The following MCPH1 variants were observed in gnomAD, a reference collection of about 807,000 sequenced individuals.
MCPH1 encodes the protein microcephalin.
In MCPH1, 104 loss-of-function variants were observed where a neutral mutation model predicts 84.5. That is an observed-to-expected ratio of 1.23 (90% CI 1.05 to 1.45). The LOEUF (loss-of-function observed/expected upper bound fraction) is 1.45, where lower values mean the gene tolerates loss of function less well. Among genes scored for constraint, MCPH1 ranks in the 40% most tolerant of loss-of-function variants. The pLI is 0.00. For synonymous variants in MCPH1, 514 were observed against 366.8 expected (o/e 1.40, Z -4.58); for missense variants, 1,498 against 1,005.7 (o/e 1.49, Z -6.62).
In MCPH1 at chr8:6,436,488, A is replaced by G. The variant is rs77104350; in HGVS notation, c.436+326A>G. Reference sequence around the variant, plus strand: ...AAATACCTATTTATTTCTTCTTTATATATAACTTTGTATTTTTACCTAATT... The same window carrying G: ...AAATACCTATTTATTTCTTCTTTATGTATAACTTTGTATTTTTACCTAATT... On this transcript the variant is annotated intron_variant, in intron 5 of 13. Transcript: ENST00000344683. 0.067 allele frequency among the ~76,000 whole-genome samples: 10,257 copies of G among 152,178 alleles called. 859 individuals carry two copies. Among genetic ancestry groups the G allele is most frequent in the African/African-American group, 0.2 (8,165 of 41,466 alleles).
At chr8:6,634,632 C>T (rs1442511845) in intron 13 of MCPH1, among the ~76,000 whole-genome samples, 1 of 152,186 alleles carries the variant, frequency 6.6e-6, no homozygotes, top group African/African-American at 2.4e-5. Flanking sequence ...CATAGATCAC[C>T]AGGGACATCT....
intron 12 of MCPH1, among the ~76,000 whole-genome samples, chr8:6,550,861 C>A (rs945171528): frequency 6.6e-6 from 1 of 152,166 alleles, no homozygotes; most frequent in African/African-American, 2.4e-5. Context: ...CCAGCTGCCA[C>A]CACAGTGATG....
At chr8:6,477,809 T>A (rs951191770) in intron 10 of MCPH1, among the ~76,000 whole-genome samples, 178 bp downstream of exon 10, 1 of 152,260 alleles carries the variant, frequency 6.6e-6, no homozygotes, top group Non-Finnish European at 1.5e-5. Flanking sequence ...TGTGAGCGAC[T>A]TAGCCTTGAA....
At chr8:6,536,704 T>C (rs1820565339) in intron 12 of MCPH1, among the ~76,000 whole-genome samples, 1 of 152,208 alleles carries the variant, frequency 6.6e-6, no homozygotes, top group Non-Finnish European at 1.5e-5. Context: ...CCATTTAATG[T>C]AGCCTTTCCA....
intron 12 of MCPH1, among the ~76,000 whole-genome samples, chr8:6,585,341 C>G (rs1239756387): frequency 6.6e-6 from 1 of 152,326 alleles, no homozygotes; most frequent in East Asian, 1.9e-4. Flanking sequence ...GAATGAGACA[C>G]TTTGGGTGGA....
chr8:6,407,814 A>C (rs1797960524), intron 1 of MCPH1, among the ~76,000 whole-genome samples: 1 of 152,208 alleles, frequency 6.6e-6, no homozygotes, highest in Admixed American at 6.5e-5. Context: ...CCCAGGCCAT[A>C]TCTAGCCTGC....
At chr8:6,623,894 T>C (rs987818428) in intron 13 of MCPH1, among the ~76,000 whole-genome samples, 1 of 152,174 alleles carries the variant, frequency 6.6e-6, no homozygotes, top group Non-Finnish European at 1.5e-5. Context: ...CCTGAAAGCA[T>C]GTCTGGGCCA....
intron 12 of MCPH1, among the ~76,000 whole-genome samples, chr8:6,619,732 C>G (rs1223568143): frequency 2.6e-5 from 4 of 152,100 alleles, no homozygotes; most frequent in African/African-American, 9.7e-5. Context: ...CTACAGGTGC[C>G]CACCACCACG....
At chr8:6,521,951 T>C (rs1817421823) in intron 12 of MCPH1, among the ~76,000 whole-genome samples, 1 of 152,232 alleles carries the variant, frequency 6.6e-6, no homozygotes, top group Non-Finnish European at 1.5e-5. Context: ...TTACCAGCCC[T>C]GCGACTTGGA....
chr8:6,533,569 CTTTTTTTTTT>C (rs56882906), intron 12 of MCPH1, among the ~76,000 whole-genome samples: 22 of 113,346 alleles, frequency 1.9e-4, no homozygotes, highest in East Asian at 8.2e-4. Context: ...CGTTTAGTTT[CTTTTTTTTTT>C]TTTTTTTTTT....
In MCPH1 at chr8:6,504,771, T is replaced by G. The variant is rs187105872; in HGVS notation, c.2214+4842T>G. 2.0e-5 allele frequency among the ~76,000 whole-genome samples: 3 copies of G among 152,302 alleles called. No individual in the cohort carries two copies. In the East Asian group the frequency reaches 5.8e-4, roughly 29 times the overall value. On this transcript the variant is annotated intron_variant, in intron 12 of 13. Coordinates refer to ENST00000344683, the MANE Select transcript of MCPH1 (RefSeq NM_024596.5). ...GTATATTATTCAGTTTTATTATTGT[T>G]AAGTCTCTTGTGACTAGTTTACAAA...
At chr8:6,488,968 G>A (rs1293466293) in intron 11 of MCPH1, among the ~76,000 whole-genome samples, 1 of 152,202 alleles carries the variant, frequency 6.6e-6, no homozygotes, top group East Asian at 1.9e-4. Flanking sequence ...TCAGGTGTGT[G>A]GGAATGGAGA....
At chr8:6,567,842 C>T (rs1361185550) in intron 12 of MCPH1, among the ~76,000 whole-genome samples, 2 of 152,182 alleles carry the variant, frequency 1.3e-5, no homozygotes, top group Non-Finnish European at 2.9e-5. Context: ...GACGGGACCA[C>T]AAGAGGCAAG....
intron 11 of MCPH1, among the ~76,000 whole-genome samples, chr8:6,492,463 A>T (rs1810730633): frequency 6.6e-6 from 1 of 151,502 alleles, no homozygotes; most frequent in Non-Finnish European, 1.5e-5. Context: ...GCTGTGCAGA[A>T]GCTCTTTAGT....
At chr8:6,485,100 G>A (rs890155272) in intron 11 of MCPH1, among the ~76,000 whole-genome samples, 1 of 152,190 alleles carries the variant, frequency 6.6e-6, no homozygotes, top group Non-Finnish European at 1.5e-5. Flanking sequence ...GCCGAGGCGT[G>A]TGGATCACGA....
At chr8:6,590,353 G>A (rs891070827) in intron 12 of MCPH1, among the ~76,000 whole-genome samples, 1 of 152,146 alleles carries the variant, frequency 6.6e-6, no homozygotes, top group African/African-American at 2.4e-5. Context: ...GAAGTGAATG[G>A]AAACATTTGG....
rs1295255571 is a variant in MCPH1, at chr8:6,643,200, C to T, written c.*151C>T. 1.4e-6 allele frequency: 1 copy of T among 721,670 alleles called. No individual in the cohort carries two copies. Among genetic ancestry groups the T allele is most frequent in the East Asian group, 2.7e-5 (1 of 37,240 alleles). The allele number at this position is 721,670 out of a possible 1,614,324, so 44.7% of individuals were successfully genotyped here. A position where few individuals can be genotyped will look rare whatever the true frequency, so the allele number is the denominator to read the frequency against. On this transcript the variant is annotated 3_prime_UTR_variant, in exon 14 of 14. Transcript: ENST00000344683. ...TGCCATGTGTTGTGGTTCTTAAGAA[C>T]TCATAGGTGACTTTCTGATGACTGA...
intron 12 of MCPH1, among the ~76,000 whole-genome samples, chr8:6,550,730 G>C (rs765480658): frequency 6.6e-6 from 1 of 152,216 alleles, no homozygotes; most frequent in African/African-American, 2.4e-5. Context: ...AATTTTATCA[G>C]AGTTTTGCGG....
chr8:6,508,754 A>C, intron 12 of MCPH1: 1 of 848,196 alleles, frequency 1.2e-6, no homozygotes, highest in Non-Finnish European at 1.9e-6. Flanking sequence ...TCATATTCTC[A>C]CTTAAAACTT....
Sources: gnomAD v4.1 joint callset for allele counts (sites outside exome capture counted in the v4.1 genomes callset) on GRCh38, gnomAD v4.1.1 for gene constraint, MANE v1.5 for transcripts, NCBI Gene and HGNC (gene_info 2026-07-23, HGNC 2026-07-21) for gene names.